Variants in GPC6 observed in about 807,000 individuals in gnomAD.
GPC6 encodes glypican-6.
A neutral mutation model predicts 55.2 loss-of-function variants in GPC6; 14 were observed. The ratio of observed to expected loss-of-function variants is 0.25; its 90% CI spans 0.17 to 0.40. The LOEUF (loss-of-function observed/expected upper bound fraction) is 0.40. Ranked by LOEUF, GPC6 falls within the 10% of genes least tolerant of loss-of-function variation. The pLI is 1.00. For missense variants in GPC6, 641 were observed against 708.5 expected, an observed-to-expected ratio of 0.90 and a Z score of 1.08; for synonymous variants, 278 against 259.6, an observed-to-expected ratio of 1.07 and a Z score of -0.68.
intron 1 of GPC6, among the ~76,000 whole-genome samples, chr13:93,327,919 ACT>A (rs1390469214): frequency 1.3e-5 from 2 of 152,024 alleles, no homozygotes; most frequent in East Asian, 1.9e-4. Flanking sequence ...AGGATCAGAC[ACT>A]CTCTGTAGAA....
chr13:93,844,568 C>T (rs1429423546), intron 3 of GPC6, among the ~76,000 whole-genome samples: 10 of 150,758 alleles, frequency 6.6e-5, no homozygotes, highest in South Asian at 2.1e-4. Context: ...GAGTAGGTTG[C>T]GAAAATTTTC....
intron 2 of GPC6, among the ~76,000 whole-genome samples, chr13:93,565,369 G>T (rs1169808623): frequency 6.6e-6 from 1 of 152,156 alleles, no homozygotes; most frequent in South Asian, 2.1e-4. Flanking sequence ...CTGGTTCATT[G>T]CTTATATGGC....
chr13:94,009,459 C>G (rs1318615326), intron 3 of GPC6, among the ~76,000 whole-genome samples: 1 of 152,172 alleles, frequency 6.6e-6, no homozygotes, highest in Admixed American at 6.5e-5. Context: ...TCCTCAGCTA[C>G]TTACATGCTG....
chr13:94,089,303 C>T (rs1260568036), intron 4 of GPC6, among the ~76,000 whole-genome samples: 1 of 152,146 alleles, frequency 6.6e-6, no homozygotes, highest in Non-Finnish European at 1.5e-5. Context: ...ACCAAGGAAA[C>T]CTTCAATCTA....
intron 2 of GPC6, among the ~76,000 whole-genome samples, chr13:93,708,187 A>G (rs1211619239): frequency 1.3e-5 from 2 of 151,880 alleles, no homozygotes; most frequent in African/African-American, 4.8e-5. Context: ...AGTAACATAT[A>G]TGTGGGCACT....
chr13:93,488,050 A>C (rs1437155489), intron 1 of GPC6, among the ~76,000 whole-genome samples: 1 of 152,162 alleles, frequency 6.6e-6, no homozygotes, highest in East Asian at 1.9e-4. Flanking sequence ...TACATGTGCC[A>C]AGTTGGTGTG....
intron 3 of GPC6, among the ~76,000 whole-genome samples, chr13:93,935,263 C>G (rs554879403): frequency 1.2e-4 from 18 of 152,276 alleles, no homozygotes; most frequent in African/African-American, 4.1e-4. Flanking sequence ...TTGGCCCCCT[C>G]CCATCCTCCC....
At chr13:93,347,187 A>G (rs1288521978) in intron 1 of GPC6, among the ~76,000 whole-genome samples, 1 of 152,190 alleles carries the variant, frequency 6.6e-6, no homozygotes, top group African/African-American at 2.4e-5. Context: ...AACAAAATAA[A>G]TTCTTTAATA....
At chr13:93,451,093 A>G (rs925425726) in intron 1 of GPC6, among the ~76,000 whole-genome samples, 1 of 152,212 alleles carries the variant, frequency 6.6e-6, no homozygotes, top group Non-Finnish European at 1.5e-5. Flanking sequence ...AGAGAGAGAA[A>G]AGAATCAAAG....
At chr13:93,812,707 T>C (rs1594478748) in intron 2 of GPC6, among the ~76,000 whole-genome samples, 1 of 152,330 alleles carries the variant, frequency 6.6e-6, no homozygotes, top group Non-Finnish European at 1.5e-5. Context: ...AGGGTGTTTG[T>C]TATTAGCAAG....
chr13:94,119,957 G>A lies in GPC6; in HGVS notation c.877+92063G>A, dbSNP rs553131626. Among the ~76,000 whole-genome samples, 55 of 152,212 alleles carry A rather than the reference G, an allele frequency of 3.6e-4. No individual in the cohort carries two copies. The Middle Eastern group carries it at 0.01, about 28-fold the overall frequency. On this transcript the variant is annotated intron_variant, in intron 4 of 8. Transcript: ENST00000377047. ...GCTCATATAGTATTTCTTACATATA[G>A]ATAAAATAGATGTAAATAGCTGCAA...
chr13:94,356,650 T>C (rs1878810221), intron 6 of GPC6, among the ~76,000 whole-genome samples: 1 of 152,162 alleles, frequency 6.6e-6, no homozygotes, highest in Non-Finnish European at 1.5e-5. Flanking sequence ...GTGAAGGAAG[T>C]TACTTCTGGC....
chr13:93,295,598 A>G (rs1878470064), intron 1 of GPC6, among the ~76,000 whole-genome samples: 1 of 151,944 alleles, frequency 6.6e-6, no homozygotes, highest in South Asian at 2.1e-4. Flanking sequence ...CTCCTGCCTC[A>G]GCCTCCCAAG....
At chr13:94,213,021 TG>T (rs2138991275) in intron 4 of GPC6, among the ~76,000 whole-genome samples, 1 of 152,232 alleles carries the variant, frequency 6.6e-6, no homozygotes, top group South Asian at 2.1e-4. Context: ...CCGAGCGTGA[TG>T]GCGGGTGCCT....
chr13:94,075,180 C>T (rs567103376), intron 4 of GPC6, among the ~76,000 whole-genome samples: 1 of 152,282 alleles, frequency 6.6e-6, no homozygotes, highest in South Asian at 2.1e-4. Flanking sequence ...ATACAGTAAG[C>T]TTTAAAACAT....
In GPC6 at chr13:94,017,956, T is replaced by C. The variant is rs148853726; in HGVS notation, c.712-9773T>C. 9.4e-3 allele frequency among the ~76,000 whole-genome samples: 1,427 copies of C among 152,208 alleles called. 9 individuals are homozygous for C. The highest frequency in any genetic ancestry group is 0.015 in the Non-Finnish European group (1,040 of 67,996). ...CTCCCAAAGTGGCTACAATTTTCAA[T>C]ACAGTGTTAAACAGCAGTGATGAAA... On this transcript the variant is annotated intron_variant, in intron 3 of 8. Coordinates refer to ENST00000377047, the MANE Select transcript of GPC6 (RefSeq NM_005708.5).
At position 94,403,150 on chromosome 13, in the gene GPC6, G is replaced by A. The variant is rs142131323; in HGVS notation, c.1601G>A (p.Arg534His). ...RREVDSSAAQ[R>H]GHSLLSWSLT... The stretch of plus-strand genomic sequence containing the variant: ...GAGGTGGACTCTTCTGCAGCCCAGC[G>A]TGGCCACTCCCTGCTCTCCTGGTCT... Residue 534 changes from arginine (R) to histidine (H), a missense_variant, in exon 9 of 9, where the codon CGT becomes CAT. Arg to His is a conservative substitution (Grantham distance 29, BLOSUM62 0). Coordinates refer to ENST00000377047, the MANE Select transcript of GPC6 (RefSeq NM_005708.5). The A allele has an allele frequency of 6.9e-5, 111 of 1,613,988 alleles. 1 individual carries two copies. In the Middle Eastern group the frequency reaches 8.2e-4, roughly 12 times the overall value.
chr13:93,845,884 GAT>G, intron 3 of GPC6, among the ~76,000 whole-genome samples: 1 of 150,058 alleles, frequency 6.7e-6, no homozygotes, highest in Middle Eastern at 3.2e-3. Context: ...TCTAATGCTA[GAT>G]GACGAGTTAG....
chr13:94,164,465 C>T (rs1888280015), intron 4 of GPC6, among the ~76,000 whole-genome samples: 1 of 152,108 alleles, frequency 6.6e-6, no homozygotes, highest in African/African-American at 2.4e-5. Flanking sequence ...ATTAAGCAAA[C>T]AGTCTAGAGA....
Sources: gnomAD v4.1 joint callset for allele counts (sites outside exome capture counted in the v4.1 genomes callset) on GRCh38, gnomAD v4.1.1 for gene constraint, MANE v1.5 for transcripts, NCBI Gene and HGNC (gene_info 2026-07-23, HGNC 2026-07-21) for gene names.